Variants in LARP1 observed in about 807,000 individuals in gnomAD.
The protein encoded by LARP1 is La ribonucleoprotein 1, translational regulator, also known as la-related protein 1.
LARP1 carries 36 observed loss-of-function variants against 122.7 expected under a neutral mutation model. The observed-to-expected ratio is 0.29, with a 90% confidence interval of 0.22 to 0.39. LARP1 has a LOEUF of 0.39. Among genes scored for constraint, LARP1 ranks in the 10% least tolerant of loss-of-function variants. LARP1 has a pLI of 1.00. For synonymous variants in LARP1, 539 were observed against 528.7 expected, an observed-to-expected ratio of 1.02 and a Z score of -0.27; for missense variants, 1,040 against 1,403.6, an observed-to-expected ratio of 0.74 and a Z score of 4.14.
In LARP1 at chr5:154,755,662, C is replaced by A; in HGVS notation, c.-96C>A. 1.0e-6 allele frequency: 1 copy of A among 987,658 alleles called. No individual in the cohort carries two copies. Among genetic ancestry groups the A allele is most frequent in the Non-Finnish European group, 1.2e-6 (1 of 830,194 alleles). The allele number at this position is 987,658 out of a possible 1,614,324, so 61.2% of individuals were successfully genotyped here. A position where few individuals can be genotyped will look rare whatever the true frequency, so the allele number is the denominator to read the frequency against. On this transcript the variant is annotated 5_prime_UTR_variant, in exon 1 of 19. Transcript: ENST00000518297. ...TCTGCAGGGACTGGGGCCCAGCGCCCCGGAGGAAGGCGTCGCGGGCGCTCT... is the reference window on the plus strand; with the variant it reads ...TCTGCAGGGACTGGGGCCCAGCGCCACGGAGGAAGGCGTCGCGGGCGCTCT...
At chr5:154,762,144 G>C (rs1285825350) in intron 1 of LARP1, among the ~76,000 whole-genome samples, 2 of 152,150 alleles carry the variant, frequency 1.3e-5, no homozygotes, top group Non-Finnish European at 2.9e-5. Flanking sequence ...TCAGGAGGCT[G>C]AGGCAGGAGA....
At position 154,743,312 on chromosome 5, in the gene LARP1, A is replaced by ATT. The variant is rs145147128; in HGVS notation, c.205+30184_205+30185dup. Among the ~76,000 whole-genome samples, 106 of 148,168 alleles carry ATT rather than the reference A, an allele frequency of 7.2e-4. 1 individual carries two copies. Among genetic ancestry groups the ATT allele is most frequent in the African/African-American group, 1.6e-3 (65 of 40,210 alleles). ...GGGCTATAGTTTATTATTCTTATTTATTTATTTTTTTTTGAAATGGAATTT... is the reference window on the plus strand; with the variant it reads ...GGGCTATAGTTTATTATTCTTATTTATTTTTATTTTTTTTTGAAATGGAATTT... On this transcript the variant is annotated intron_variant, in intron 1 of 18. Coordinates refer to the LARP1 transcript ENST00000336314.
At chr5:154,759,415 T>A in intron 1 of LARP1, among the ~76,000 whole-genome samples, 1 of 152,358 alleles carries the variant, frequency 6.6e-6, no homozygotes, top group African/African-American at 2.4e-5. Context: ...GACTTTTGCT[T>A]ATCCACAGAC....
chr5:154,803,566 T>C lies in LARP1; in HGVS notation c.2260T>C (p.Leu754=). The C allele has an allele frequency of 6.2e-7, 1 of 1,614,170 alleles. No homozygotes were observed. Among genetic ancestry groups the C allele is most frequent in the Non-Finnish European group, 8.5e-7 (1 of 1,180,032 alleles). The part of the protein sequence containing the change: ...QVPTDALANK[L]FGAPEPSTIA... ...TCCTACGGATGCCCTGGCCAACAAGTTGTTTGGTGCTCCTGAGCCCTCCAC... is the reference window on the plus strand; with the variant it reads ...TCCTACGGATGCCCTGGCCAACAAGCTGTTTGGTGCTCCTGAGCCCTCCAC... The change falls in exon 13 of 19, where the codon TTG becomes CTG. Residue 754 remains leucine, a synonymous_variant. Coordinates refer to ENST00000518297, the MANE Select transcript of LARP1 (RefSeq NM_033551.3). The surrounding 1 kb of genome is among the most constrained non-coding windows in gnomAD (Gnocchi z 4.4).
At chr5:154,687,902 C>T (rs533085463) in intron 1 of LARP1, among the ~76,000 whole-genome samples, 1 of 152,236 alleles carries the variant, frequency 6.6e-6, no homozygotes, top group East Asian at 1.9e-4. Flanking sequence ...GTTGCACTGG[C>T]CCAGGGAAGA....
At chr5:154,689,534 C>T (rs1374331666) in intron 1 of LARP1, among the ~76,000 whole-genome samples, 3 of 149,794 alleles carry the variant, frequency 2.0e-5, no homozygotes, top group Admixed American at 6.7e-5. Flanking sequence ...GCAGGAGACT[C>T]ACTTGAACCC....
At chr5:154,694,567 C>G (rs1017660628) in intron 1 of LARP1, among the ~76,000 whole-genome samples, 1 of 152,086 alleles carries the variant, frequency 6.6e-6, no homozygotes, top group Non-Finnish European at 1.5e-5. Flanking sequence ...GCCCACCATG[C>G]TTTAGACAAT....
Position 154,802,272 on chromosome 5 carries a change from G to A in LARP1, c.1982G>A (p.Arg661His), listed in dbSNP as rs979773672. ...ATGCGCCGGCACCCAGGGGGGGACC[G>A]CACAGGCAACCACACCTCGCGTGCC... is the stretch of plus-strand genomic sequence containing the variant. ...HYMRRHPGGD[R>H]TGNHTSRAKM... Residue 661 changes from arginine to histidine, a missense_variant, in exon 11 of 19, where the codon CGC becomes CAC. Physicochemically the swap from Arg to His is conservative, Grantham distance 29. Transcript: ENST00000518297. The surrounding 1 kb of genome is among the most constrained non-coding windows in gnomAD (Gnocchi z 5.1). The A allele has an allele frequency of 5.6e-6, 9 of 1,614,160 alleles. No homozygotes were observed. Among genetic ancestry groups the A allele is most frequent in the Non-Finnish European group, 7.6e-6 (9 of 1,180,034 alleles).
intron 1 of LARP1, among the ~76,000 whole-genome samples, chr5:154,744,616 ATTTTTTTTTTTTTTTTTTT>A (rs748853573): frequency 3.2e-4 from 23 of 71,994 alleles, no homozygotes; most frequent in South Asian, 8.6e-4. Context: ...TGGATATGCA[ATTTTTTTTTTTTTTTTTTT>A]TTTTTTTTTT....
chr5:154,690,785 G>C (rs1754160603), intron 1 of LARP1, among the ~76,000 whole-genome samples: 1 of 152,360 alleles, frequency 6.6e-6, no homozygotes, highest in South Asian at 2.1e-4. Flanking sequence ...GTGCGACAAC[G>C]GCCTGGCGGG....
At chr5:154,694,779 G>C (rs1446448209) in intron 1 of LARP1, among the ~76,000 whole-genome samples, 1 of 152,180 alleles carries the variant, frequency 6.6e-6, no homozygotes, top group African/African-American at 2.4e-5. Context: ...TAGTGAGATG[G>C]AGAAAACAGT....
intron 1 of LARP1, among the ~76,000 whole-genome samples, chr5:154,776,878 T>G (rs1198666568): frequency 6.6e-6 from 1 of 152,252 alleles, no homozygotes; most frequent in Non-Finnish European, 1.5e-5. Context: ...AACATTTCTT[T>G]TGGAACAGCT....
intron 8 of LARP1, among the ~76,000 whole-genome samples, chr5:154,797,680 C>CTT (rs79974250): frequency 0.094 from 12,974 of 138,040 alleles, 681 homozygotes; most frequent in Admixed American, 0.15. Flanking sequence ...TGTCTACCGT[C>CTT]TTTTTTTTTT....
intron 1 of LARP1, among the ~76,000 whole-genome samples, chr5:154,764,057 C>A (rs1754700463): frequency 6.6e-6 from 1 of 151,316 alleles, no homozygotes; most frequent in Admixed American, 6.6e-5. Context: ...GCCTGTAATC[C>A]CAGCACTTTG....
In LARP1 at chr5:154,756,182, A is replaced by G; in HGVS notation, c.425A>G (p.Gln142Arg). 3.1e-6 allele frequency: 4 copies of G among 1,303,140 alleles called. No individual in the cohort carries two copies. Among genetic ancestry groups the G allele is most frequent in the Admixed American group, 2.3e-5 (1 of 44,438 alleles). The allele number at this position is 1,303,140 out of a possible 1,614,324, so 80.7% of individuals were successfully genotyped here. Residue 142 changes from glutamine (Q) to arginine (R), a missense_variant, in exon 1 of 19, where the codon CAG (glutamine) becomes CGG (arginine). Gln to Arg is a conservative substitution (Grantham distance 43). Coordinates refer to ENST00000518297, the MANE Select transcript of LARP1 (RefSeq NM_033551.3). ...CCGGTCCTGACCACCGTGAACGGAC[A>G]GTCCCCCCCAGGTGGGTCTCCCTCC... ...LPPVLTTVNG[Q>R]SPPEHSAPAK... is the part of the protein sequence containing the mutation.
intron 14 of LARP1, 152 bp from the exon 15 acceptor site, chr5:154,805,729 G>A (rs1582474471): frequency 2.7e-6 from 2 of 734,502 alleles, no homozygotes; most frequent in Non-Finnish European, 4.6e-6. Context: ...CAGACCCATG[G>A]ATATAAGTTA....
At position 154,817,097 on chromosome 5, in the gene LARP1, T is replaced by A. The variant is rs1431071947; in HGVS notation, c.*3001T>A. The A allele has an allele frequency of 6.8e-6, 1 of 146,440 alleles. No individual in the cohort carries two copies. Among genetic ancestry groups the A allele is most frequent in the Non-Finnish European group, 1.5e-5 (1 of 66,906 alleles). The allele number at this position is 146,440 out of a possible 1,614,324, so 9.1% of individuals were successfully genotyped here. ...TGCTTAGAAGGCCCTGGAAGGGAAG[T>A]GAGGAGGAGGGACAAGGAAGATGAC... is the stretch of plus-strand genomic sequence containing the variant. On this transcript the variant is annotated 3_prime_UTR_variant, in exon 19 of 19. Transcript: ENST00000518297.
intron 7 of LARP1, among the ~76,000 whole-genome samples, chr5:154,794,873 T>A (rs561625079): frequency 2.0e-5 from 3 of 152,188 alleles, no homozygotes; most frequent in Non-Finnish European, 4.4e-5. Context: ...TATAAGTGTT[T>A]TAGGAGCAGA....
intron 1 of LARP1, among the ~76,000 whole-genome samples, chr5:154,738,678 G>A (rs1216542781): frequency 6.6e-6 from 1 of 151,980 alleles, no homozygotes; most frequent in Non-Finnish European, 1.5e-5. Flanking sequence ...GGCTTTTCTT[G>A]AGGCTTTAGA....
Sources: gnomAD v4.1 joint callset for allele counts (sites outside exome capture counted in the v4.1 genomes callset) on GRCh38, gnomAD v4.1.1 for gene constraint, Gnocchi (gnomAD v3.1) non-coding constraint, MANE v1.5 for transcripts, NCBI Gene and HGNC (gene_info 2026-07-23, HGNC 2026-07-21) for gene names.